The following ZNF532 variants were observed in gnomAD, a reference collection of about 807,000 sequenced individuals.
ZNF532 encodes zinc finger protein 532.
In ZNF532, 22 loss-of-function variants were observed where a neutral mutation model predicts 89.3. The observed-to-expected ratio is 0.25, with a 90% CI of 0.18 to 0.35. The LOEUF is 0.35. Among genes scored for constraint, ZNF532 ranks in the 10% least tolerant of loss-of-function variants. The pLI is 1.00. For synonymous variants in ZNF532, 606 were observed against 649.6 expected (o/e 0.93, Z 1.02); for missense variants, 1,132 against 1,643.4 (o/e 0.69, Z 5.38).
chr18:58,878,517 A>G (rs574754142), intron 2 of ZNF532, among the ~76,000 whole-genome samples: 2 of 152,298 alleles, frequency 1.3e-5, no homozygotes, highest in African/African-American at 4.8e-5. Context: ...ATGAATGAAG[A>G]CCATATGAGC....
rs1352843359 is a variant in ZNF532 at position 58,953,639 on chromosome 18, T to G, written c.2990T>G (p.Met997Arg). 2 of 1,613,924 alleles carry G rather than the reference T, an allele frequency of 1.2e-6. No individual in the cohort carries two copies. The highest frequency in any genetic ancestry group is 2.2e-5 in the South Asian group (2 of 91,068). ...CAGAACAAAGAGGACACCAAATCCA[T>G]GAATGGGAAAGAGAAATTGGAAAAG... ...ANQNKEDTKS[M>R]NGKEKLEKKS... The change falls in exon 7 of 10, where the codon ATG (methionine) becomes AGG (arginine). Residue 997 changes from methionine (M) to arginine (R), a missense_variant. Physicochemically the swap from Met to Arg is moderately conservative, Grantham distance 91. Around this residue, in one of 9 missense-constraint regions of ZNF532, gnomAD observed 415 missense variants for 604.8 expected, o/e 0.69. Transcript: ENST00000591808.
chr18:58,906,601 C>T (rs981556698), intron 2 of ZNF532, among the ~76,000 whole-genome samples: 41 of 152,174 alleles, frequency 2.7e-4, no homozygotes, highest in African/African-American at 9.7e-4. Context: ...TTGTCTTCCT[C>T]ACTTTTGGTT....
chr18:58,902,849 A>T (rs1178526575), intron 2 of ZNF532, among the ~76,000 whole-genome samples: 3 of 152,106 alleles, frequency 2.0e-5, no homozygotes, highest in African/African-American at 4.8e-5. Flanking sequence ...CATCCACATT[A>T]GGAGAAAGGC....
intron 2 of ZNF532, among the ~76,000 whole-genome samples, chr18:58,888,889 T>TATATATA (rs1555709716): frequency 1.5e-4 from 6 of 39,440 alleles, no homozygotes; most frequent in Non-Finnish European, 2.4e-4. Flanking sequence ...TATATATATA[T>TATATATA]TTTATATATA....
intron 2 of ZNF532, among the ~76,000 whole-genome samples, chr18:58,904,012 A>T (rs1255210084): frequency 6.6e-6 from 1 of 152,160 alleles, no homozygotes; most frequent in Non-Finnish European, 1.5e-5. Context: ...CTTAGTAATA[A>T]TAGGTGGCCT....
Position 58,985,728 on chromosome 18 carries a change from A to AT in ZNF532, c.*1266dup, listed in dbSNP as rs2068327784. 8.2e-6 allele frequency: 1 copy of AT among 121,592 alleles called. No homozygotes were observed. The highest frequency in any genetic ancestry group is 3.1e-5 in the African/African-American group (1 of 32,128). 7.5% of individuals were successfully genotyped at this position (121,592 alleles called of 1,614,324 possible). A position where few individuals can be genotyped will look rare whatever the true frequency, so the allele number is the denominator to read the frequency against. On this transcript the variant is annotated 3_prime_UTR_variant, in exon 10 of 10. Coordinates refer to ENST00000591808, the MANE Select transcript of ZNF532 (RefSeq NM_001375912.1). ...GGTTTTGTTTTGTGTTTTCTTTTGC[A>AT]TTTTGTATCTTGTATTTATCCCTGA...
intron 2 of ZNF532, chr18:58,916,782 A>G: frequency 2.1e-6 from 2 of 960,870 alleles, no homozygotes; most frequent in Non-Finnish European, 2.5e-6. Context: ...GGTGTATATG[A>G]GTTTTCTCAG....
intron 2 of ZNF532, among the ~76,000 whole-genome samples, chr18:58,874,536 G>A (rs2057277728): frequency 6.6e-6 from 1 of 152,034 alleles, no homozygotes. Flanking sequence ...GTAGAGACTG[G>A]GTTTCACCAT....
chr18:58,894,839 T>C (rs958307824), intron 2 of ZNF532, among the ~76,000 whole-genome samples: 3 of 152,188 alleles, frequency 2.0e-5, no homozygotes, highest in African/African-American at 7.2e-5. Context: ...TTAATGTACA[T>C]GAACATTTTG....
intron 7 of ZNF532, among the ~76,000 whole-genome samples, chr18:58,975,773 C>CTT (rs1306356559): frequency 6.6e-6 from 1 of 152,156 alleles, no homozygotes. Context: ...ACCCTGCCAG[C>CTT]TTATTAGTTC....
At chr18:58,973,907 G>T (rs2066746252) in intron 7 of ZNF532, among the ~76,000 whole-genome samples, 1 of 152,090 alleles carries the variant, frequency 6.6e-6, no homozygotes, top group Admixed American at 6.6e-5. Context: ...GTACTGTATG[G>T]CTCCATTTAT....
intron 5 of ZNF532, among the ~76,000 whole-genome samples, chr18:58,941,457 T>TCG (rs1491155417): frequency 2.1e-4 from 28 of 130,520 alleles, no homozygotes; most frequent in African/African-American, 8.0e-4. Context: ...TGGTTTCTTT[T>TCG]CTCTCTCTCT....
intron 2 of ZNF532, among the ~76,000 whole-genome samples, chr18:58,888,801 ATATATATAAAAAAT>A (rs1809594336): frequency 1.8e-3 from 104 of 58,952 alleles, no homozygotes; most frequent in African/African-American, 7.0e-3. Context: ...TATATAATTT[ATATATATAAAAAAT>A]TATATATATA....
chr18:58,953,982 C>G, intron 7 of ZNF532, 183 bp downstream of exon 7: 1 of 985,388 alleles, frequency 1.0e-6, no homozygotes, highest in Non-Finnish European at 1.2e-6. Context: ...ATCCTTCAGT[C>G]TTCAGTTTTC....
intron 4 of ZNF532, among the ~76,000 whole-genome samples, chr18:58,937,933 C>G (rs2062614649): frequency 6.6e-6 from 1 of 152,182 alleles, no homozygotes; most frequent in East Asian, 1.9e-4. Context: ...CTTTTATTCT[C>G]TATTGTTATT....
intron 2 of ZNF532, among the ~76,000 whole-genome samples, chr18:58,880,835 T>A (rs1018083474): frequency 1.7e-4 from 26 of 151,720 alleles, no homozygotes; most frequent in African/African-American, 6.3e-4. Flanking sequence ...AATGCAAGTC[T>A]GGTTTATCTG....
intron 2 of ZNF532, among the ~76,000 whole-genome samples, chr18:58,915,814 C>T (rs2060562269): frequency 6.6e-6 from 1 of 152,232 alleles, no homozygotes; most frequent in Non-Finnish European, 1.5e-5. Flanking sequence ...GCCTCCCACC[C>T]ACTGAGTATT....
chr18:58,869,446 A>G (rs1233688635), intron 2 of ZNF532, among the ~76,000 whole-genome samples: 3 of 152,190 alleles, frequency 2.0e-5, no homozygotes, highest in African/African-American at 7.2e-5. Context: ...TGCAGCAATT[A>G]TTTTTAATCT....
At chr18:58,952,932 G>A (rs1568409762) in intron 6 of ZNF532, among the ~76,000 whole-genome samples, 1 of 151,974 alleles carries the variant, frequency 6.6e-6, no homozygotes, top group South Asian at 2.1e-4. Flanking sequence ...GCTGCCATCA[G>A]TAAGAAAGGA....
Sources: gnomAD v4.1 joint callset for allele counts (sites outside exome capture counted in the v4.1 genomes callset) on GRCh38, gnomAD v4.1.1 for gene constraint, gnomAD v4.1.1 regional missense constraint, MANE v1.5 for transcripts, NCBI Gene and HGNC (gene_info 2026-07-23, HGNC 2026-07-21) for gene names.